Variants in DCBLD1 observed in about 807,000 individuals in gnomAD.
DCBLD1 encodes discoidin, CUB and LCCL domain containing 1, also known as discoidin, CUB and LCCL domain-containing protein 1.
DCBLD1 carries 57 observed loss-of-function variants against 71.5 expected under a neutral mutation model. The ratio of observed to expected loss-of-function variants is 0.80; its 90% CI spans 0.64 to 0.99. DCBLD1 has a LOEUF of 0.99. Ranked by LOEUF, DCBLD1 falls within the 50% of genes least tolerant of loss-of-function variation. The pLI is 0.00. For missense variants in DCBLD1, 891 were observed against 923.5 expected, an observed-to-expected ratio of 0.96 and a Z score of 0.46; for synonymous variants, 380 against 363.8, an observed-to-expected ratio of 1.04 and a Z score of -0.51.
chr6:117,483,823 C>T (rs2114338906), intron 1 of DCBLD1, among the ~76,000 whole-genome samples: 1 of 151,962 alleles, frequency 6.6e-6, no homozygotes, highest in East Asian at 1.9e-4. Context: ...ATCCGGAGTA[C>T]TTTGACAGCT....
At chr6:117,519,484 A>G (rs1216975404) in intron 2 of DCBLD1, among the ~76,000 whole-genome samples, 1 of 152,230 alleles carries the variant, frequency 6.6e-6, no homozygotes, top group Non-Finnish European at 1.5e-5. Context: ...CCCCTAGAAT[A>G]ACATTTTTGT....
At chr6:117,519,317 G>A (rs990559508) in intron 2 of DCBLD1, among the ~76,000 whole-genome samples, 2 of 151,972 alleles carry the variant, frequency 1.3e-5, no homozygotes, top group African/African-American at 4.8e-5. Flanking sequence ...TGAATTTTGG[G>A]GATTAACCAG....
chr6:117,525,597 T>C (rs147911816), intron 5 of DCBLD1, among the ~76,000 whole-genome samples, 163 bp downstream of exon 5: 59 of 143,754 alleles, frequency 4.1e-4, no homozygotes, highest in African/African-American at 1.5e-3. Context: ...AAACCAAGGT[T>C]ACCCATGCAT....
chr6:117,531,227 G>A (rs1250881815), intron 5 of DCBLD1, among the ~76,000 whole-genome samples: 1 of 152,220 alleles, frequency 6.6e-6, no homozygotes, highest in Non-Finnish European at 1.5e-5. Context: ...AAATTCTTGA[G>A]TCCAGTTACT....
At position 117,538,824 on chromosome 6, in the gene DCBLD1, A is replaced by T. The variant is rs1261337803; in HGVS notation, c.965A>T (p.Lys322Met). 6.2e-7 allele frequency: 1 copy of T among 1,612,156 alleles called. No homozygotes were observed. Among genetic ancestry groups the T allele is most frequent in the Non-Finnish European group, 8.5e-7 (1 of 1,179,172 alleles). The stretch of plus-strand genomic sequence containing the variant: ...CTGGAGATCGATTTGGGGGAGAAAA[A>T]GAAAATAACAGGTGCAGAAAATAAC... Reference protein sequence around the residue: ...EWLEIDLGEKKKITGIRTTGS... With the variant: ...EWLEIDLGEKMKITGIRTTGS... Residue 322 changes from lysine to methionine, a missense_variant, in exon 8 of 15, where the codon AAG (lysine) becomes ATG (methionine). Coordinates refer to ENST00000338728, the MANE Select transcript of DCBLD1 (RefSeq NM_001366458.2).
At chr6:117,541,073 C>A in intron 11 of DCBLD1, 48 bp downstream of exon 11, 1 of 1,582,464 alleles carries the variant, frequency 6.3e-7, no homozygotes, top group South Asian at 1.1e-5. Flanking sequence ...AACTGGTAAC[C>A]CACCCAATAT....
chr6:117,532,992 T>C (rs1501473), intron 6 of DCBLD1, among the ~76,000 whole-genome samples: 46,899 of 152,088 alleles, frequency 0.31, 8,341 homozygotes, highest in African/African-American at 0.5. Context: ...TCCTCAGCCA[T>C]TAGAAGGTGT....
At chr6:117,562,991 T>C (rs2114597302) in intron 14 of DCBLD1, 1 of 421,160 alleles carries the variant, frequency 2.4e-6, no homozygotes, top group East Asian at 4.1e-5. Flanking sequence ...AGCCCAGTAA[T>C]ACCCCTTTGG....
intron 11 of DCBLD1, 61 bp downstream of exon 11, chr6:117,541,086 G>A: frequency 1.3e-6 from 2 of 1,533,890 alleles, no homozygotes; most frequent in Non-Finnish European, 1.8e-6. Flanking sequence ...CCCAATATCA[G>A]TAACTTCAAC....
At chr6:117,507,003 A>G (rs574896023) in intron 2 of DCBLD1, among the ~76,000 whole-genome samples, 8 of 152,322 alleles carry the variant, frequency 5.3e-5, no homozygotes, top group African/African-American at 1.9e-4. Flanking sequence ...GTTAAAACCC[A>G]CTGCCAAAGG....
chr6:117,504,912 G>C (rs1026680126), intron 2 of DCBLD1, among the ~76,000 whole-genome samples: 4 of 152,160 alleles, frequency 2.6e-5, no homozygotes, highest in Admixed American at 6.5e-5. Context: ...TAGCTCTACT[G>C]ATAATTTCTC....
chr6:117,546,172 T>C (rs11758857), intron 14 of DCBLD1, among the ~76,000 whole-genome samples: 4,187 of 152,348 alleles, frequency 0.027, 74 homozygotes, highest in East Asian at 0.043. Flanking sequence ...AAAGCTCTAA[T>C]TTTTTATTAT....
Position 117,539,322 on chromosome 6 carries a change from C to A in DCBLD1, c.1044C>A (p.Phe348Leu). 6.2e-7 allele frequency: 1 copy of A among 1,609,038 alleles called. No individual in the cohort carries two copies. The highest frequency in any genetic ancestry group is 8.5e-7 in the Non-Finnish European group (1 of 1,178,684). ...ATGTTAAGAGTTTTGTGATGAACTTCAAAAACAATAATTCTAAGTGGAAGA... is the reference window on the plus strand; with the variant it reads ...ATGTTAAGAGTTTTGTGATGAACTTAAAAAACAATAATTCTAAGTGGAAGA... ...NFYVKSFVMN[F>L]KNNNSKWKTY... is the part of the protein sequence containing the mutation. Residue 348 changes from phenylalanine to leucine, a missense_variant, in exon 9 of 15, where the codon TTC becomes TTA. Phe to Leu is a conservative substitution (Grantham distance 22). Transcript: ENST00000338728.
At chr6:117,485,244 T>A (rs940814799) in intron 1 of DCBLD1, among the ~76,000 whole-genome samples, 4 of 152,206 alleles carry the variant, frequency 2.6e-5, no homozygotes, top group African/African-American at 9.7e-5. Flanking sequence ...TGCTTCTCTC[T>A]CCACCACAAG....
At chr6:117,552,674 GC>G (rs1779447073), downstream of DCBLD1, among the ~76,000 whole-genome samples, 1 of 152,094 alleles carries the variant, frequency 6.6e-6, no homozygotes, top group Non-Finnish European at 1.5e-5. Context: ...AGAATGAAGT[GC>G]CCAACATGGT....
intron 14 of DCBLD1, among the ~76,000 whole-genome samples, chr6:117,558,996 C>G (rs756788406): frequency 3.9e-4 from 59 of 152,178 alleles, no homozygotes; most frequent in Non-Finnish European, 7.3e-4. Flanking sequence ...CAGGTTCAGG[C>G]CTGTTCTGTT....
Position 117,549,130 on chromosome 6 carries a change from AGGGG to A in DCBLD1, c.*693_*696del. 4 of 985,682 alleles carry A rather than the reference AGGGG, an allele frequency of 4.1e-6. No homozygotes were observed. The highest frequency in any genetic ancestry group is 4.8e-6 in the Non-Finnish European group (4 of 830,160). 61.1% of individuals were successfully genotyped at this position (985,682 alleles called of 1,614,324 possible). A position where few individuals can be genotyped will look rare whatever the true frequency, so the allele number is the denominator to read the frequency against. ...CCCGTTTCCTTAGTCTCCACTTCAG[AGGGG>A]GATGCGAAGAGGTCGGCCCAGCTCC... On this transcript the variant is annotated 3_prime_UTR_variant, in exon 15 of 15. Transcript: ENST00000338728.
chr6:117,489,617 G>A (rs1024457983), intron 1 of DCBLD1, among the ~76,000 whole-genome samples: 9 of 152,196 alleles, frequency 5.9e-5, no homozygotes, highest in South Asian at 4.2e-4. Context: ...GGGCGCCGTG[G>A]CTCATGCCTG....
chr6:117,525,618 T>TTTTA (rs1554265887), intron 5 of DCBLD1, among the ~76,000 whole-genome samples, 184 bp downstream of exon 5: 1 of 75,010 alleles, frequency 1.3e-5, no homozygotes, highest in Non-Finnish European at 2.4e-5. Context: ...TCATTCCTAT[T>TTTTA]AGCATTTCCA....
Sources: allele counts gnomAD v4.1 joint callset (sites outside exome capture counted in the v4.1 genomes callset), GRCh38; gene constraint gnomAD v4.1.1; transcripts MANE v1.5; gene names NCBI Gene and HGNC (gene_info 2026-07-23, HGNC 2026-07-21).